SCP2: variants seen among roughly 807,000 people sequenced by gnomAD.
The protein encoded by SCP2 is sterol carrier protein 2.
A neutral mutation model predicts 71.4 loss-of-function variants in SCP2; 48 were observed. That is an observed-to-expected ratio of 0.67 (90% CI 0.53 to 0.86). The LOEUF (loss-of-function observed/expected upper bound fraction) is 0.86. SCP2 is among the 40% of genes least tolerant of loss of function. SCP2 has a pLI of 0.00. For missense variants in SCP2, 560 were observed against 655.6 expected (o/e 0.85, Z 1.59); for synonymous variants, 220 against 218.1 (o/e 1.01, Z -0.08).
At chr1:53,030,835 G>A (rs150311619) in intron 13 of SCP2, among the ~76,000 whole-genome samples, 5,673 of 151,090 alleles carry the variant, frequency 0.038, 228 homozygotes, top group East Asian at 0.21. Context: ...GGAAGGCGGA[G>A]GTTGCAGTGA....
intron 6 of SCP2, among the ~76,000 whole-genome samples, chr1:52,964,326 C>T (rs532483474): frequency 1.6e-4 from 24 of 151,092 alleles, no homozygotes; most frequent in African/African-American, 4.6e-4. Flanking sequence ...CTCAGCCTCC[C>T]GAGTAGCTGG....
chr1:52,978,705 G>T (rs533615368), intron 9 of SCP2, among the ~76,000 whole-genome samples: 5 of 152,258 alleles, frequency 3.3e-5, no homozygotes, highest in Middle Eastern at 6.8e-3. Context: ...TGGGACTACA[G>T]GCACATGCCA....
intron 11 of SCP2, chr1:52,993,589 C>A: frequency 1.2e-6 from 2 of 1,608,334 alleles, no homozygotes; most frequent in Non-Finnish European, 1.7e-6. Context: ...TGGCTCCAAG[C>A]TCTTCTTGTC....
chr1:53,042,914 A>G (rs552684752), intron 14 of SCP2, among the ~76,000 whole-genome samples: 1 of 152,058 alleles, frequency 6.6e-6, no homozygotes, highest in Non-Finnish European at 1.5e-5. Context: ...TATCTTCTCC[A>G]TGAGTTCTGC....
At chr1:52,942,208 G>T (rs1654318013) in intron 2 of SCP2, among the ~76,000 whole-genome samples, 1 of 152,154 alleles carries the variant, frequency 6.6e-6, no homozygotes, top group Non-Finnish European at 1.5e-5. Flanking sequence ...CTGGAAAAGG[G>T]ATAATCACAT....
At position 53,036,420 on chromosome 1, in the gene SCP2, A is replaced by C. The variant is rs532268441; in HGVS notation, c.1339-2497A>C. Among the ~76,000 whole-genome samples, 4 of 150,304 alleles carry C rather than the reference A, an allele frequency of 2.7e-5. No homozygotes were observed. The East Asian group carries it at 7.8e-4, about 29-fold the overall frequency. On this transcript the variant is annotated intron_variant, in intron 13 of 15. Coordinates refer to ENST00000371514, the MANE Select transcript of SCP2 (RefSeq NM_002979.5). ...CTCATTTATTTAAGGGTAAATCCCTAGAATTAAACTTTGCTAATTAAGAAC... is the reference window on the plus strand; with the variant it reads ...CTCATTTATTTAAGGGTAAATCCCTCGAATTAAACTTTGCTAATTAAGAAC...
At chr1:53,036,147 C>CATTTAAA (rs1389127180) in intron 13 of SCP2, among the ~76,000 whole-genome samples, 2 of 140,560 alleles carry the variant, frequency 1.4e-5, no homozygotes, top group African/African-American at 6.1e-5. Flanking sequence ...TATATGTGAC[C>CATTTAAA]ATTTAAAATT....
At chr1:53,018,147 G>A (rs1661473475) in intron 12 of SCP2, among the ~76,000 whole-genome samples, 1 of 152,098 alleles carries the variant, frequency 6.6e-6, no homozygotes, top group South Asian at 2.1e-4. Context: ...GGACCATTGC[G>A]CCTGGCCTGA....
Position 52,977,606 on chromosome 1 carries a change from A to C in SCP2, c.675-611A>C, listed in dbSNP as rs536240888. On this transcript the variant is annotated intron_variant, in intron 8 of 15. Coordinates refer to ENST00000371514, the MANE Select transcript of SCP2 (RefSeq NM_002979.5). ...TATTAGGATAGGAATAACCTTTTGGACTTACTCCTCAGAAGATGCCTTATG... is the reference window on the plus strand; with the variant it reads ...TATTAGGATAGGAATAACCTTTTGGCCTTACTCCTCAGAAGATGCCTTATG... 2.6e-5 allele frequency among the ~76,000 whole-genome samples: 4 copies of C among 152,302 alleles called. No individual in the cohort carries two copies. The South Asian group carries it at 8.3e-4, about 32-fold the overall frequency.
At chr1:52,991,371 A>G (rs1324053574) in intron 11 of SCP2, among the ~76,000 whole-genome samples, 1 of 152,006 alleles carries the variant, frequency 6.6e-6, no homozygotes, top group East Asian at 1.9e-4. Flanking sequence ...TTTGTTTGCC[A>G]GTAATAAACC....
intron 11 of SCP2, among the ~76,000 whole-genome samples, chr1:53,004,836 C>T (rs111857585): frequency 0.082 from 12,533 of 152,126 alleles, 971 homozygotes; most frequent in Admixed American, 0.2. Context: ...ATTGCCTCAC[C>T]CGGGAAGTGC....
intron 12 of SCP2, among the ~76,000 whole-genome samples, chr1:53,025,241 C>G (rs998759037): frequency 6.6e-6 from 1 of 150,656 alleles, no homozygotes; most frequent in African/African-American, 2.5e-5. Flanking sequence ...GCTGGTTTTC[C>G]TCTTGCATCA....
intron 12 of SCP2, among the ~76,000 whole-genome samples, chr1:53,019,542 G>A (rs1285605955): frequency 1.3e-5 from 2 of 152,140 alleles, no homozygotes; most frequent in African/African-American, 4.8e-5. Flanking sequence ...GGCTCGTCCT[G>A]TGCTTTCCAT....
At chr1:53,043,159 C>G (rs1238444688) in intron 14 of SCP2, among the ~76,000 whole-genome samples, 1 of 152,160 alleles carries the variant, frequency 6.6e-6, no homozygotes, top group Non-Finnish European at 1.5e-5. Flanking sequence ...GGGTTCAGAT[C>G]TAGGCTCTGT....
At chr1:52,990,548 C>T (rs565224029) in intron 11 of SCP2, among the ~76,000 whole-genome samples, 6 of 151,872 alleles carry the variant, frequency 4.0e-5, no homozygotes, top group East Asian at 1.9e-4. Flanking sequence ...TCCTGGCTAA[C>T]GCAGTGAAAC....
At chr1:52,968,272 G>A (rs1363055178) in intron 6 of SCP2, among the ~76,000 whole-genome samples, 2 of 151,924 alleles carry the variant, frequency 1.3e-5, no homozygotes, top group Non-Finnish European at 2.9e-5. Context: ...GTGCATTTAT[G>A]GTTTCTCCCT....
At chr1:52,941,342 T>C (rs1177772335) in intron 1 of SCP2, among the ~76,000 whole-genome samples, 1 of 152,216 alleles carries the variant, frequency 6.6e-6, no homozygotes, top group Non-Finnish European at 1.5e-5. Flanking sequence ...GGAAGCACTC[T>C]GAGGGCAAGG....
At chr1:52,962,615 T>C (rs1423356544) in intron 6 of SCP2, among the ~76,000 whole-genome samples, 1 of 152,136 alleles carries the variant, frequency 6.6e-6, no homozygotes, top group Admixed American at 6.6e-5. Flanking sequence ...CGACCATTTT[T>C]TCTTTCACTA....
chr1:52,945,744 A>AATAT lies in SCP2; in HGVS notation c.128-2252_128-2249dup, dbSNP rs147167752. 7.9e-4 allele frequency among the ~76,000 whole-genome samples: 115 copies of AATAT among 145,782 alleles called. 3 individuals carry two copies. The highest frequency in any genetic ancestry group is 2.7e-3 in the African/African-American group (103 of 38,336). On this transcript the variant is annotated intron_variant, in intron 2 of 15. Coordinates refer to ENST00000371514, the MANE Select transcript of SCP2 (RefSeq NM_002979.5). ...GGAAAAGAATGTTTAAGTTGTGCAT[A>AATAT]ATATATATATATATATGCCATTATT...
Sources: gnomAD v4.1 joint callset for allele counts (sites outside exome capture counted in the v4.1 genomes callset) on GRCh38, gnomAD v4.1.1 for gene constraint, MANE v1.5 for transcripts, NCBI Gene and HGNC (gene_info 2026-07-23, HGNC 2026-07-21) for gene names.